The following NF1 variants were observed in gnomAD, a reference collection of about 807,000 sequenced individuals.
NF1 encodes neurofibromin 1, also known as neurofibromin.
NF1 carries 122 observed loss-of-function variants against 325.7 expected under a neutral mutation model. The ratio of observed to expected loss-of-function variants is 0.37; its 90% CI spans 0.32 to 0.44. NF1 has a LOEUF of 0.44. NF1 is among the 20% of genes least tolerant of loss of function. NF1 has a pLI of 1.00. For synonymous variants in NF1, 1,091 were observed against 1,186.0 expected, an observed-to-expected ratio of 0.92 and a Z score of 1.65; for missense variants, 2,140 against 3,415.4, an observed-to-expected ratio of 0.63 and a Z score of 9.31.
rs554004224 is a variant in NF1, at chr17:31,293,373, TAATGCATTTTA to T, written c.4835+28037_4835+28047del. Among the ~76,000 whole-genome samples the T allele has an allele frequency of 2.3e-3, 355 of 152,058 alleles. 2 individuals carry two copies. Among genetic ancestry groups the T allele is most frequent in the Non-Finnish European group, 9.6e-4 (65 of 67,974 alleles). ...GAGATAGCTTCCGTATATAGAGAGG[TAATGCATTTTA>T]AAATCATTTAGGGGACTTTTTCAAA... is the stretch of plus-strand genomic sequence containing the variant. On this transcript the variant is annotated intron_variant, in intron 36 of 57. Transcript: ENST00000358273.
In NF1 at chr17:31,143,269, G is replaced by GCA. The variant is rs1567808952; in HGVS notation, c.61-12714_61-12713insCA. Among the ~76,000 whole-genome samples the GCA allele has an allele frequency of 3.3e-5, 5 of 150,108 alleles. No homozygotes were observed. The East Asian group carries it at 9.8e-4, about 29-fold the overall frequency. On this transcript the variant is annotated intron_variant, in intron 1 of 57. Transcript: ENST00000358273. The stretch of plus-strand genomic sequence containing the variant: ...CACACACACACTCACACACACACAC[G>GCA]GACACACACACTCTTTGAGACGGGT...
intron 36 of NF1, among the ~76,000 whole-genome samples, chr17:31,291,987 C>T (rs552662079): frequency 6.6e-6 from 1 of 152,292 alleles, no homozygotes; most frequent in Non-Finnish European, 1.5e-5. Context: ...AACATTACTG[C>T]ATCTAGGAAT....
chr17:31,296,545 C>T, intron 36 of NF1: 1 of 576,188 alleles, frequency 1.7e-6, no homozygotes, highest in South Asian at 1.9e-5. Context: ...TAGAGAGAGA[C>T]TCTCTCCCTA....
At chr17:31,237,302 TCTCA>T (rs1338840484) in intron 29 of NF1, among the ~76,000 whole-genome samples, 5 of 152,134 alleles carry the variant, frequency 3.3e-5, no homozygotes, top group African/African-American at 1.2e-4. Context: ...TGAAATGGGG[TCTCA>T]CTCTGTCACC....
chr17:31,289,611 T>G (rs2068307725), intron 36 of NF1, among the ~76,000 whole-genome samples: 1 of 152,168 alleles, frequency 6.6e-6, no homozygotes, highest in African/African-American at 2.4e-5. Context: ...TTCTAATATT[T>G]GCGTTTTCCA....
chr17:31,290,416 T>A lies in NF1; in HGVS notation c.4835+25077T>A, dbSNP rs192556181. ...TTTTCCTTTCCCCTTTGGTTTCTGA[T>A]TTTTCTTTCCACAGCTAACAATGTT... On this transcript the variant is annotated intron_variant, in intron 36 of 57. Coordinates refer to ENST00000358273, the MANE Select transcript of NF1 (RefSeq NM_001042492.3). Among the ~76,000 whole-genome samples the A allele has an allele frequency of 4.5e-4, 69 of 152,340 alleles. No individual in the cohort carries two copies. In the East Asian group the frequency reaches 0.013, roughly 29 times the overall value.
In NF1 at chr17:31,287,815, A is replaced by T. The variant is rs1357989460; in HGVS notation, c.4835+22476A>T. On this transcript the variant is annotated intron_variant, in intron 36 of 57. Coordinates refer to ENST00000358273, the MANE Select transcript of NF1 (RefSeq NM_001042492.3). ...CGGCTTCCCAGTGTGCTGGGATTAC[A>T]GGCATGAGCCACTGCTCCTGGGCTC... is the stretch of plus-strand genomic sequence containing the variant. Among the ~76,000 whole-genome samples the T allele has an allele frequency of 2.0e-5, 3 of 151,580 alleles. No individual in the cohort carries two copies. The South Asian group carries it at 6.2e-4, about 32-fold the overall frequency.
chr17:31,326,027 C>T lies in NF1; in HGVS notation c.5043C>T (p.Asn1681=), dbSNP rs1377500901. Residue 1681 remains asparagine, a synonymous_variant, in exon 37 of 58, where the codon AAC becomes AAT. Transcript: ENST00000358273. ...YDNVSAVYIY[N]CNSWVREYTK... The stretch of plus-strand genomic sequence containing the variant: ...ACGTCTCCGCAGTCTATATCTATAA[C>T]TGTAACTCCTGGGTCAGGGAGTACA... 3 of 1,614,204 alleles carry T rather than the reference C, an allele frequency of 1.9e-6. No homozygotes were observed. The highest frequency in any genetic ancestry group is 1.3e-5 in the African/African-American group (1 of 75,046).
At chr17:31,237,437 A>G (rs1431179219) in intron 29 of NF1, among the ~76,000 whole-genome samples, 2 of 151,868 alleles carry the variant, frequency 1.3e-5, no homozygotes, top group Admixed American at 1.3e-4. Context: ...ACCATGCAAA[A>G]TACAAAATTT....
At position 31,374,404 on chromosome 17, in the gene NF1, C is replaced by T. The variant is rs2070702738; in HGVS notation, c.*249C>T. 1.9e-6 allele frequency: 1 copy of T among 530,044 alleles called. No homozygotes were observed. 32.8% of individuals were successfully genotyped at this position (530,044 alleles called of 1,614,324 possible). A position where few individuals can be genotyped will look rare whatever the true frequency, so the allele number is the denominator to read the frequency against. ...TGGTATATGTAAGTGTTCAGAACAA[C>T]TGCAAAGAAAGTGGGAGGTCAGGAA... is the stretch of plus-strand genomic sequence containing the variant. On this transcript the variant is annotated 3_prime_UTR_variant, in exon 58 of 58. Coordinates refer to ENST00000358273, the MANE Select transcript of NF1 (RefSeq NM_001042492.3).
chr17:31,337,030 G>A (rs1268838779), intron 42 of NF1, 116 bp downstream of exon 42: 1 of 1,067,724 alleles, frequency 9.4e-7, no homozygotes, highest in Non-Finnish European at 1.4e-6. Flanking sequence ...GCTAATTTAA[G>A]CCTCCAGTAA....
intron 49 of NF1, 39 bp downstream of exon 49, chr17:31,349,290 C>G: frequency 6.3e-7 from 1 of 1,598,412 alleles, no homozygotes; most frequent in Non-Finnish European, 8.5e-7. Flanking sequence ...CTTGCTACAT[C>G]TATATATAAG....
intron 36 of NF1, among the ~76,000 whole-genome samples, chr17:31,290,092 C>T (rs778961481): frequency 2.3e-4 from 35 of 151,826 alleles, no homozygotes; most frequent in Middle Eastern, 3.2e-3. Flanking sequence ...TTTTCTCATC[C>T]GTTTTATGAG....
intron 36 of NF1, among the ~76,000 whole-genome samples, chr17:31,271,000 G>A (rs978453056): frequency 2.0e-5 from 3 of 152,142 alleles, no homozygotes; most frequent in Non-Finnish European, 4.4e-5. Flanking sequence ...TAAAGTTTGG[G>A]AATCTCACTG....
At position 31,267,773 on chromosome 17, in the gene NF1, C is replaced by G. The variant is rs113729494; in HGVS notation, c.4835+2434C>G. The stretch of plus-strand genomic sequence containing the variant: ...AACTTAATTCAGTATATCTTCAAAT[C>G]AACCTCCTCTTCACACCGTATTTCT... On this transcript the variant is annotated intron_variant, in intron 36 of 57. Transcript: ENST00000358273. Among the ~76,000 whole-genome samples the G allele has an allele frequency of 8.5e-3, 1,291 of 152,290 alleles. 27 individuals are homozygous for G. The highest frequency in any genetic ancestry group is 0.03 in the African/African-American group (1,232 of 41,562).
chr17:31,218,631 G>T (rs1427154344), intron 13 of NF1, among the ~76,000 whole-genome samples: 1 of 151,814 alleles, frequency 6.6e-6, no homozygotes, highest in African/African-American at 2.4e-5. Context: ...GAGTGCAGCG[G>T]TGCAATCTTG....
intron 30 of NF1, chr17:31,251,130 A>G: frequency 5.0e-6 from 1 of 198,264 alleles, no homozygotes. Context: ...CTGCTTCCCA[A>G]ACCTAGTTTA....
At chr17:31,224,965 A>C (rs1227578762) in intron 16 of NF1, 130 bp from the exon 17 acceptor site, 2 of 889,378 alleles carry the variant, frequency 2.2e-6, no homozygotes, top group Non-Finnish European at 3.6e-6. Context: ...AATCTCCTTC[A>C]AGTTGGGGCA....
intron 13 of NF1, 102 bp from the exon 14 acceptor site, chr17:31,218,903 G>C: frequency 8.1e-7 from 1 of 1,228,944 alleles, no homozygotes; most frequent in East Asian, 2.6e-5. Flanking sequence ...ACCCCTAAAA[G>C]AAACTTGGTA....
Sources: gnomAD v4.1 joint callset for allele counts (sites outside exome capture counted in the v4.1 genomes callset) on GRCh38, gnomAD v4.1.1 for gene constraint, MANE v1.5 for transcripts, NCBI Gene and HGNC (gene_info 2026-07-23, HGNC 2026-07-21) for gene names.